Variants in AP3B1 observed in about 807,000 individuals in gnomAD.
The protein encoded by AP3B1 is AP-3 complex subunit beta-1.
AP3B1 carries 61 observed loss-of-function variants against 132.5 expected under a neutral mutation model. The ratio of observed to expected loss-of-function variants is 0.46; its 90% CI spans 0.37 to 0.57. AP3B1 has a LOEUF of 0.57. Among genes scored for constraint, AP3B1 ranks in the 20% least tolerant of loss-of-function variants. The probability of loss-of-function intolerance (pLI) is 0.00; values close to 1 mark genes in which losing one functional copy is unlikely to be tolerated. For missense variants in AP3B1, 1,120 were observed against 1,289.4 expected (o/e 0.87, Z 2.01); for synonymous variants, 388 against 438.3 (o/e 0.89, Z 1.43).
At chr5:78,154,906 T>G (rs752851418) in intron 14 of AP3B1, among the ~76,000 whole-genome samples, 2 of 152,254 alleles carry the variant, frequency 1.3e-5, no homozygotes, top group Non-Finnish European at 2.9e-5. Context: ...TTTTGAATTC[T>G]CTGTCTGAAG....
intron 11 of AP3B1, among the ~76,000 whole-genome samples, chr5:78,166,357 T>A (rs1252346645): frequency 6.6e-6 from 1 of 152,172 alleles, no homozygotes; most frequent in East Asian, 1.9e-4. Context: ...CTAATTAACC[T>A]AAACAATTCT....
At chr5:78,159,406 G>A (rs544466359) in intron 13 of AP3B1, among the ~76,000 whole-genome samples, 35 of 152,254 alleles carry the variant, frequency 2.3e-4, no homozygotes, top group African/African-American at 8.4e-4. Context: ...TCTAAAGTCA[G>A]AAGTCTAACA....
intron 2 of AP3B1, among the ~76,000 whole-genome samples, chr5:78,260,206 G>A (rs67265131): frequency 0.21 from 31,974 of 151,874 alleles, 3,512 homozygotes; most frequent in Admixed American, 0.28. Flanking sequence ...AACCTGTTCC[G>A]ACAGGCAAGG....
At chr5:78,183,580 A>G (rs1744461499) in intron 7 of AP3B1, among the ~76,000 whole-genome samples, 1 of 152,188 alleles carries the variant, frequency 6.6e-6, no homozygotes, top group Admixed American at 6.5e-5. Flanking sequence ...AAAGAATTAT[A>G]AAGTCTAGAC....
chr5:78,117,312 ATTTT>A (rs55983344), intron 17 of AP3B1, among the ~76,000 whole-genome samples: 1 of 140,390 alleles, frequency 7.1e-6, no homozygotes, highest in Non-Finnish European at 1.6e-5. Flanking sequence ...ATTTTGTGCA[ATTTT>A]TTTTTTTTTT....
chr5:78,178,607 T>G (rs991297780), intron 8 of AP3B1, among the ~76,000 whole-genome samples: 1 of 151,994 alleles, frequency 6.6e-6, no homozygotes, highest in Non-Finnish European at 1.5e-5. Flanking sequence ...TGCAATGGAG[T>G]GAGACTCTGT....
At chr5:78,235,300 T>C (rs987436990) in intron 3 of AP3B1, among the ~76,000 whole-genome samples, 4 of 152,216 alleles carry the variant, frequency 2.6e-5, no homozygotes, top group African/African-American at 9.6e-5. Flanking sequence ...TTCTCAGCAA[T>C]ACCTTTATTC....
intron 11 of AP3B1, 119 bp downstream of exon 11, chr5:78,175,507 A>G: frequency 1.4e-6 from 1 of 733,248 alleles, no homozygotes; most frequent in South Asian, 1.6e-5. Context: ...AAGAAAAACC[A>G]TTAACTTTAT....
chr5:78,009,337 G>C (rs368865875), intron 26 of AP3B1, among the ~76,000 whole-genome samples: 2 of 151,252 alleles, frequency 1.3e-5, no homozygotes, highest in Admixed American at 1.3e-4. Context: ...GCATGCACTT[G>C]TAGTCCTAGC....
intron 1 of AP3B1, among the ~76,000 whole-genome samples, chr5:78,279,789 A>G (rs1748960608): frequency 6.8e-6 from 1 of 146,644 alleles, no homozygotes; most frequent in South Asian, 2.1e-4. Flanking sequence ...TAAAATTTAT[A>G]TATATTATAT....
At chr5:78,121,464 GAA>G (rs1277561678) in intron 17 of AP3B1, among the ~76,000 whole-genome samples, 3 of 151,980 alleles carry the variant, frequency 2.0e-5, no homozygotes, top group Admixed American at 2.0e-4. Context: ...TAATAAAGAA[GAA>G]AAGAGAGAAG....
At chr5:78,053,730 TA>T (rs1748690169) in intron 22 of AP3B1, among the ~76,000 whole-genome samples, 1 of 147,858 alleles carries the variant, frequency 6.8e-6, no homozygotes, top group Non-Finnish European at 1.5e-5. Flanking sequence ...CAGGTAACCA[TA>T]ACAATTTGGT....
At chr5:78,080,360 T>C (rs1042737008) in intron 22 of AP3B1, among the ~76,000 whole-genome samples, 2 of 152,244 alleles carry the variant, frequency 1.3e-5, no homozygotes, top group African/African-American at 4.8e-5. Context: ...GTATTTCCAG[T>C]TCATTCATTT....
At chr5:78,018,800 G>C (rs1269312709) in intron 25 of AP3B1, among the ~76,000 whole-genome samples, 1 of 151,996 alleles carries the variant, frequency 6.6e-6, no homozygotes. Flanking sequence ...GTTAGTGAGA[G>C]ATTTCTAGGT....
chr5:78,027,834 A>G (rs1279624297), intron 24 of AP3B1, among the ~76,000 whole-genome samples: 1 of 152,132 alleles, frequency 6.6e-6, no homozygotes, highest in Non-Finnish European at 1.5e-5. Context: ...GTTAATAATT[A>G]TGTTGAATAG....
chr5:78,096,777 G>A (rs1194227135), intron 21 of AP3B1, among the ~76,000 whole-genome samples: 2 of 150,880 alleles, frequency 1.3e-5, no homozygotes, highest in Non-Finnish European at 3.0e-5. Context: ...CCGCCCGGCA[G>A]CCGCCCCGTC....
At chr5:78,284,597 C>G (rs1749193708) in intron 1 of AP3B1, among the ~76,000 whole-genome samples, 1 of 152,096 alleles carries the variant, frequency 6.6e-6, no homozygotes, top group African/African-American at 2.4e-5. Context: ...ATTATAAAAG[C>G]ATATAGCTTT....
chr5:78,043,697 C>T, intron 22 of AP3B1: 1 of 431,990 alleles, frequency 2.3e-6, no homozygotes, highest in Non-Finnish European at 4.6e-6. Context: ...TACTCTTCAT[C>T]ATTGTTGTGC....
At chr5:78,264,870 T>C (rs748363707) in intron 2 of AP3B1, among the ~76,000 whole-genome samples, 53 of 152,234 alleles carry the variant, frequency 3.5e-4, no homozygotes, top group Non-Finnish European at 6.6e-4. Context: ...CCAGTTGGCT[T>C]ATTAAAATTT....
Sources: allele counts gnomAD v4.1 joint callset (sites outside exome capture counted in the v4.1 genomes callset), GRCh38; gene constraint gnomAD v4.1.1; transcripts MANE v1.5; gene names NCBI Gene and HGNC (gene_info 2026-07-23, HGNC 2026-07-21).